FAM13A: variants seen among roughly 807,000 people sequenced by gnomAD.
FAM13A encodes protein FAM13A.
FAM13A carries 76 observed loss-of-function variants against 129.6 expected under a neutral mutation model. The observed-to-expected ratio is 0.59, with a 90% CI of 0.49 to 0.71. FAM13A has a LOEUF of 0.71. FAM13A is among the 30% of genes least tolerant of loss of function. The pLI is 0.00. For missense variants in FAM13A, 1,108 were observed against 1,249.3 expected (o/e 0.89, Z 1.70); for synonymous variants, 443 against 449.9 (o/e 0.98, Z 0.20).
intron 9 of FAM13A, 54 bp downstream of exon 9, chr4:88,790,532 A>T: frequency 7.3e-7 from 1 of 1,378,846 alleles, no homozygotes; most frequent in Non-Finnish European, 1.0e-6. Context: ...TAAGTGGGAC[A>T]GGGCATTAAA....
intron 8 of FAM13A, among the ~76,000 whole-genome samples, chr4:88,794,608 T>C (rs998408132): frequency 2.0e-5 from 3 of 151,880 alleles, no homozygotes; most frequent in Non-Finnish European, 4.4e-5. Flanking sequence ...CGTTGTCTTA[T>C]TTCAGTATGT....
intron 16 of FAM13A, among the ~76,000 whole-genome samples, chr4:88,749,560 T>G (rs900605582): frequency 6.6e-6 from 1 of 152,226 alleles, no homozygotes; most frequent in African/African-American, 2.4e-5. Flanking sequence ...AGCTTTCATT[T>G]TTTTTTTTGT....
chr4:89,024,747 G>T (rs1767709732), intron 2 of FAM13A, among the ~76,000 whole-genome samples: 1 of 152,086 alleles, frequency 6.6e-6, no homozygotes, highest in African/African-American at 2.4e-5. Context: ...CAATTTCTTT[G>T]GTTTATTAAC....
intron 3 of FAM13A, among the ~76,000 whole-genome samples, chr4:88,995,081 G>T (rs1232591892): frequency 6.6e-6 from 1 of 151,732 alleles, no homozygotes; most frequent in Non-Finnish European, 1.5e-5. Flanking sequence ...CATCCAAAAT[G>T]TATATTTGTT....
At chr4:88,734,994 G>T (rs1029093679) in intron 21 of FAM13A, among the ~76,000 whole-genome samples, 1 of 152,240 alleles carries the variant, frequency 6.6e-6, no homozygotes, top group East Asian at 1.9e-4. Flanking sequence ...AGTTTTAACA[G>T]CAACATTGAT....
At chr4:88,955,992 T>G (rs1757702059) in intron 4 of FAM13A, among the ~76,000 whole-genome samples, 1 of 152,192 alleles carries the variant, frequency 6.6e-6, no homozygotes, top group African/African-American at 2.4e-5. Flanking sequence ...AAAAAAAAAT[T>G]TAAACATTTA....
At chr4:88,763,233 A>C (rs1037123816) in intron 13 of FAM13A, among the ~76,000 whole-genome samples, 2 of 152,226 alleles carry the variant, frequency 1.3e-5, no homozygotes, top group Non-Finnish European at 2.9e-5. Context: ...TAGGAACTAT[A>C]AACAATGCTA....
chr4:88,942,947 A>G (rs1467709644), intron 4 of FAM13A, among the ~76,000 whole-genome samples: 1 of 152,208 alleles, frequency 6.6e-6, no homozygotes, highest in African/African-American at 2.4e-5. Context: ...GGCCTAGGAA[A>G]CAAATAATCT....
intron 4 of FAM13A, among the ~76,000 whole-genome samples, chr4:88,968,332 C>T (rs556814385): frequency 7.9e-5 from 12 of 152,214 alleles, no homozygotes; most frequent in African/African-American, 2.9e-4. Context: ...CACTTATGTT[C>T]TAAACAATTA....
chr4:88,993,740 C>G (rs1018220672), intron 3 of FAM13A, among the ~76,000 whole-genome samples: 4 of 152,104 alleles, frequency 2.6e-5, no homozygotes, highest in African/African-American at 9.7e-5. Context: ...GCAGCTCACG[C>G]CTGTAATCCC....
intron 6 of FAM13A, among the ~76,000 whole-genome samples, chr4:88,875,739 C>G (rs1561223975): frequency 6.6e-6 from 1 of 152,186 alleles, no homozygotes; most frequent in Non-Finnish European, 1.5e-5. Flanking sequence ...GTGGTGATTC[C>G]TCAAGGATCT....
At chr4:88,872,402 C>T (rs1238689205) in intron 6 of FAM13A, among the ~76,000 whole-genome samples, 1 of 152,114 alleles carries the variant, frequency 6.6e-6, no homozygotes, top group Non-Finnish European at 1.5e-5. Flanking sequence ...ATCTCACGTG[C>T]AGAGACATAC....
chr4:88,887,714 G>A (rs1380192316), intron 6 of FAM13A, among the ~76,000 whole-genome samples: 4 of 151,790 alleles, frequency 2.6e-5, no homozygotes, highest in Non-Finnish European at 5.9e-5. Flanking sequence ...TGTATTTTTA[G>A]TAGAGACAGG....
chr4:88,941,700 T>A (rs1304812385), intron 4 of FAM13A, among the ~76,000 whole-genome samples: 1 of 152,130 alleles, frequency 6.6e-6, no homozygotes, highest in African/African-American at 2.4e-5. Flanking sequence ...TCCCCTGTCT[T>A]CCTCCTGGAG....
rs1294909786 is a variant in FAM13A at position 88,727,668 on chromosome 4, C to A, written c.*865G>T. The A allele has an allele frequency of 6.6e-6, 1 of 152,258 alleles. No individual in the cohort carries two copies. The highest frequency in any genetic ancestry group is 1.9e-4 in the East Asian group (1 of 5,186). 9.4% of individuals were successfully genotyped at this position (152,258 alleles called of 1,614,324 possible). On this transcript the variant is annotated 3_prime_UTR_variant, in exon 24 of 24. Coordinates refer to ENST00000264344, the MANE Select transcript of FAM13A (RefSeq NM_014883.4). ...TTGGCTAGTGCCACAACAAAACAGC[C>A]CCAAACAGATTGCCATGAGCATGCT...
At chr4:88,907,242 A>C (rs1451292653) in intron 5 of FAM13A, among the ~76,000 whole-genome samples, 2 of 152,228 alleles carry the variant, frequency 1.3e-5, no homozygotes, top group Non-Finnish European at 2.9e-5. Flanking sequence ...AATACATAAA[A>C]GGAAAATTAT....
At chr4:88,935,735 G>A (rs1753746075) in intron 5 of FAM13A, among the ~76,000 whole-genome samples, 2 of 152,016 alleles carry the variant, frequency 1.3e-5, no homozygotes, top group Admixed American at 1.3e-4. Context: ...CATTGTCAAT[G>A]TTTACATATC....
At chr4:88,832,656 A>C (rs1309909448) in intron 7 of FAM13A, among the ~76,000 whole-genome samples, 1 of 152,234 alleles carries the variant, frequency 6.6e-6, no homozygotes, top group Non-Finnish European at 1.5e-5. Context: ...TCATTAGAGA[A>C]ATGCAAATCA....
At chr4:88,988,540 T>A (rs1340629535) in intron 4 of FAM13A, among the ~76,000 whole-genome samples, 1 of 152,202 alleles carries the variant, frequency 6.6e-6, no homozygotes, top group Non-Finnish European at 1.5e-5. Flanking sequence ...CATATTTACA[T>A]ATATACAGAC....
Sources: gnomAD v4.1 joint callset for allele counts (sites outside exome capture counted in the v4.1 genomes callset) on GRCh38, gnomAD v4.1.1 for gene constraint, MANE v1.5 for transcripts, NCBI Gene and HGNC (gene_info 2026-07-23, HGNC 2026-07-21) for gene names.